COG3: variants seen among roughly 807,000 people sequenced by gnomAD.
COG3 encodes the protein component of oligomeric golgi complex 3, also known as conserved oligomeric Golgi complex subunit 3.
In COG3, 32 loss-of-function variants were observed where a neutral mutation model predicts 114.1. That is an observed-to-expected ratio of 0.28 (90% confidence interval 0.21 to 0.38). The LOEUF is 0.38. Ranked by LOEUF, COG3 falls within the 10% of genes least tolerant of loss-of-function variation. The probability of loss-of-function intolerance (pLI) is 1.00; values close to 1 mark genes in which losing one functional copy is unlikely to be tolerated. For missense variants in COG3, 813 were observed against 973.2 expected, an observed-to-expected ratio of 0.84 and a Z score of 2.19; for synonymous variants, 352 against 365.7, an observed-to-expected ratio of 0.96 and a Z score of 0.43.
chr13:45,529,007 C>T (rs1003521254), intron 20 of COG3, among the ~76,000 whole-genome samples: 13 of 152,178 alleles, frequency 8.5e-5, no homozygotes, highest in African/African-American at 3.1e-4. Flanking sequence ...CTTCCATCAG[C>T]AGTACACAAA....
chr13:45,514,612 C>T (rs1271230365), intron 16 of COG3, among the ~76,000 whole-genome samples: 2 of 152,156 alleles, frequency 1.3e-5, no homozygotes, highest in South Asian at 2.1e-4. Context: ...ATTTGATAGA[C>T]ACTAGCTTAT....
At chr13:45,505,602 A>C (rs1870051442) in intron 14 of COG3, among the ~76,000 whole-genome samples, 1 of 150,364 alleles carries the variant, frequency 6.7e-6, no homozygotes, top group Non-Finnish European at 1.5e-5. Flanking sequence ...ACTGCGCCTG[A>C]CCAATCCTGC....
At chr13:45,477,709 C>A (rs1340706456) in intron 2 of COG3, among the ~76,000 whole-genome samples, 1 of 151,572 alleles carries the variant, frequency 6.6e-6, no homozygotes, top group Non-Finnish European at 1.5e-5. Flanking sequence ...TCACTGCAAG[C>A]TCCACCTCCT....
chr13:45,530,037 T>C, intron 21 of COG3, 119 bp downstream of exon 21: 3 of 1,086,834 alleles, frequency 2.8e-6, no homozygotes, highest in Non-Finnish European at 3.8e-6. Context: ...TCTAGTGAAG[T>C]TGAATAATCA....
chr13:45,490,968 TAGAAG>T lies in COG3; in HGVS notation c.968+11_968+15del. ...CTGAAAAAATACCTGAGTGAGTACC[TAGAAG>T]TTAATCTGATTTCCACATGAACCTT... is the stretch of plus-strand genomic sequence containing the variant. On this transcript the variant is annotated intron_variant, in intron 9 of 22. Transcript: ENST00000349995. 1 of 1,560,952 alleles carries T rather than the reference TAGAAG, an allele frequency of 6.4e-7. No individual in the cohort carries two copies. Among genetic ancestry groups the T allele is most frequent in the Non-Finnish European group, 8.8e-7 (1 of 1,134,928 alleles).
chr13:45,487,445 GTGAAGAGACAACC>G (rs1197658848), intron 8 of COG3, among the ~76,000 whole-genome samples: 3 of 152,220 alleles, frequency 2.0e-5, no homozygotes, highest in Non-Finnish European at 4.4e-5. Flanking sequence ...AATTACCAGA[GTGAAGAGACAACC>G]TGTAGAATGA....
chr13:45,532,504 C>T (rs994817337), intron 22 of COG3, among the ~76,000 whole-genome samples: 2 of 150,928 alleles, frequency 1.3e-5, no homozygotes, highest in Admixed American at 6.6e-5. Flanking sequence ...TCCAGCCTTT[C>T]CCTTCCCTCC....
At chr13:45,530,056 C>T in intron 21 of COG3, 138 bp downstream of exon 21, 1 of 951,554 alleles carries the variant, frequency 1.1e-6, no homozygotes, top group South Asian at 2.8e-5. Context: ...CACTATGATT[C>T]ATGAAAGGCT....
intron 14 of COG3, among the ~76,000 whole-genome samples, chr13:45,508,569 C>A (rs890020894): frequency 6.6e-6 from 1 of 151,964 alleles, no homozygotes; most frequent in Non-Finnish European, 1.5e-5. Context: ...CAAAAAATAA[C>A]GACATCTTTT....
chr13:45,504,335 A>G (rs1387376453), intron 14 of COG3, among the ~76,000 whole-genome samples: 1 of 152,162 alleles, frequency 6.6e-6, no homozygotes, highest in African/African-American at 2.4e-5. Flanking sequence ...AGAGGGCTGA[A>G]ATTTCCTCCT....
intron 16 of COG3, among the ~76,000 whole-genome samples, chr13:45,515,734 C>G (rs555200878): frequency 8.5e-4 from 130 of 152,314 alleles, no homozygotes; most frequent in Admixed American, 2.3e-3. Context: ...TAGTGAAAGC[C>G]ATGTTCCTGA....
Position 45,524,241 on chromosome 13 carries a change from A to G in COG3, c.2155-735A>G, listed in dbSNP as rs536447708. On this transcript the variant is annotated intron_variant, in intron 19 of 22. Coordinates refer to ENST00000349995, the MANE Select transcript of COG3 (RefSeq NM_031431.4). ...AAGCCATGGACTGCACCTTTGGCAC[A>G]TGACTGTCTATTTTAAAACACGTTT... Among the ~76,000 whole-genome samples the G allele has an allele frequency of 2.0e-5, 3 of 152,330 alleles. No individual in the cohort carries two copies. The East Asian group carries it at 5.8e-4, about 29-fold the overall frequency.
intron 7 of COG3, 150 bp from the exon 8 acceptor site, chr13:45,486,345 A>ACGGGAGAC (rs1253126796): frequency 2.8e-5 from 15 of 539,686 alleles, no homozygotes; most frequent in East Asian, 1.2e-4. Flanking sequence ...GAGACGGGAG[A>ACGGGAGAC]GGGAGAGGGA....
At position 45,493,453 on chromosome 13, in the gene COG3, A is replaced by G; in HGVS notation, c.1294A>G (p.Asn432Asp). 6.2e-7 allele frequency: 1 copy of G among 1,613,620 alleles called. No homozygotes were observed. The highest frequency in any genetic ancestry group is 8.5e-7 in the Non-Finnish European group (1 of 1,179,698). The change falls in exon 12 of 23, where the codon AAT (asparagine) becomes GAT (aspartate). Residue 432 changes from asparagine to aspartate, a missense_variant. This residue lies in a region of COG3 where 389 missense variants were observed against 542.6 expected (regional missense o/e 0.72). Coordinates refer to ENST00000349995, the MANE Select transcript of COG3 (RefSeq NM_031431.4). ...GTCGGAACTTTGTGGGATTCTTAAA[A>G]ATGAGGTGCTTGAAGATCATGTGCA... ...TLSELCGILK[N>D]EVLEDHVQNN...
intron 6 of COG3, 21 bp from the exon 7 acceptor site, chr13:45,483,209 A>G: frequency 1.3e-6 from 2 of 1,565,002 alleles, no homozygotes; most frequent in Non-Finnish European, 1.7e-6. Flanking sequence ...CACTTTGTAA[A>G]TCTTTCTCTT....
intron 16 of COG3, among the ~76,000 whole-genome samples, chr13:45,513,298 CAT>C (rs1196128768): frequency 0.016 from 454 of 29,254 alleles, 13 homozygotes; most frequent in African/African-American, 0.049. Flanking sequence ...ATAAATTATA[CAT>C]ATAATATATA....
intron 8 of COG3, among the ~76,000 whole-genome samples, chr13:45,489,629 T>G (rs1174888902): frequency 6.6e-6 from 1 of 152,122 alleles, no homozygotes; most frequent in African/African-American, 2.4e-5. Context: ...AAGCATAAAA[T>G]ACTTACCTAG....
At chr13:45,490,235 T>C (rs1886936158) in intron 8 of COG3, among the ~76,000 whole-genome samples, 1 of 152,166 alleles carries the variant, frequency 6.6e-6, no homozygotes, top group African/African-American at 2.4e-5. Flanking sequence ...CTAAAAAACA[T>C]TTTAGAAGAA....
At chr13:45,522,359 A>C (rs1342658508) in intron 19 of COG3, among the ~76,000 whole-genome samples, 1 of 152,148 alleles carries the variant, frequency 6.6e-6, no homozygotes, top group African/African-American at 2.4e-5. Context: ...TTGAGCTTAA[A>C]GAGTTGGGGT....
Sources: allele counts gnomAD v4.1 joint callset (sites outside exome capture counted in the v4.1 genomes callset), GRCh38; gene constraint gnomAD v4.1.1; regional missense constraint gnomAD v4.1.1; transcripts MANE v1.5; gene names NCBI Gene and HGNC (gene_info 2026-07-23, HGNC 2026-07-21).